The following LRRCC1 variants were observed in gnomAD, a reference collection of about 807,000 sequenced individuals.
LRRCC1 encodes leucine rich repeat and coiled-coil centrosomal protein 1, also known as leucine-rich repeat and coiled-coil domain-containing protein 1.
LRRCC1 carries 115 observed loss-of-function variants against 126.0 expected under a neutral mutation model. That is an observed-to-expected ratio of 0.91 (90% CI 0.78 to 1.07). LRRCC1 has a LOEUF of 1.07. Ranked by LOEUF, LRRCC1 falls within the 50% of genes least tolerant of loss-of-function variation. LRRCC1 has a pLI of 0.00. For synonymous variants in LRRCC1, 400 were observed against 393.4 expected (o/e 1.02, Z -0.20); for missense variants, 1,172 against 1,175.7 (o/e 1.00, Z 0.05).
intron 9 of LRRCC1, among the ~76,000 whole-genome samples, chr8:85,127,062 A>C (rs1038731920): frequency 1.4e-4 from 22 of 152,188 alleles, no homozygotes; most frequent in African/African-American, 5.3e-4. Flanking sequence ...GTGTCAGATA[A>C]ATATTATAAG....
chr8:85,123,148 T>A (rs575298806), intron 6 of LRRCC1, among the ~76,000 whole-genome samples: 4 of 152,324 alleles, frequency 2.6e-5, no homozygotes, highest in African/African-American at 9.6e-5. Flanking sequence ...AATCCTAGTT[T>A]TGTTCACTTT....
At chr8:85,119,735 C>T (rs1809391295) in intron 6 of LRRCC1, among the ~76,000 whole-genome samples, 1 of 152,170 alleles carries the variant, frequency 6.6e-6, no homozygotes, top group African/African-American at 2.4e-5. Context: ...TGGCCTCAAG[C>T]GATCCTCCTG....
chr8:85,107,489 G>A (rs1808330392), intron 1 of LRRCC1, 90 bp downstream of exon 1: 1 of 1,130,548 alleles, frequency 8.8e-7, no homozygotes, highest in Non-Finnish European at 1.3e-6. Flanking sequence ...GTGGAGGCGC[G>A]GCACTGCTTT....
chr8:85,108,302 G>A (rs1192022275), intron 1 of LRRCC1, among the ~76,000 whole-genome samples: 3 of 152,148 alleles, frequency 2.0e-5, no homozygotes, highest in African/African-American at 7.2e-5. Context: ...TTTAATACTA[G>A]CTGCCATTTA....
intron 1 of LRRCC1, 69 bp downstream of exon 1, chr8:85,107,468 G>A: frequency 7.3e-7 from 1 of 1,368,506 alleles, no homozygotes; most frequent in East Asian, 2.4e-5. Flanking sequence ...GTGGCTGGCG[G>A]CGACACCAGA....
intron 11 of LRRCC1, among the ~76,000 whole-genome samples, chr8:85,130,547 A>G (rs1418367856): frequency 6.6e-6 from 1 of 152,170 alleles, no homozygotes; most frequent in Non-Finnish European, 1.5e-5. Flanking sequence ...AATCAGCCCT[A>G]TAGCAAGAAC....
chr8:85,114,430 C>T (rs189737124), intron 4 of LRRCC1, among the ~76,000 whole-genome samples: 17 of 152,148 alleles, frequency 1.1e-4, no homozygotes, highest in Admixed American at 9.2e-4. Context: ...TTCTTACTTT[C>T]GGAATTCTTC....
At chr8:85,125,021 A>C in intron 8 of LRRCC1, 82 bp downstream of exon 8, 1 of 982,368 alleles carries the variant, frequency 1.0e-6, no homozygotes, top group Admixed American at 3.1e-5. Context: ...TGCTTTTATT[A>C]GCAAAAAGTG....
At chr8:85,114,822 T>A (rs1393592773) in intron 4 of LRRCC1, among the ~76,000 whole-genome samples, 2 of 152,126 alleles carry the variant, frequency 1.3e-5, no homozygotes, top group Non-Finnish European at 2.9e-5. Flanking sequence ...CATTATATAT[T>A]TAAAGTAATT....
intron 6 of LRRCC1, among the ~76,000 whole-genome samples, chr8:85,121,977 A>G (rs1238142279): frequency 6.6e-6 from 1 of 152,118 alleles, no homozygotes; most frequent in African/African-American, 2.4e-5. Context: ...CCTTTAGCAA[A>G]TGTTGTAGCG....
chr8:85,132,044 C>G, intron 12 of LRRCC1, 83 bp downstream of exon 12: 1 of 1,154,402 alleles, frequency 8.7e-7, no homozygotes, highest in South Asian at 1.6e-5. Flanking sequence ...AGAAACATAG[C>G]TGTATTAAAT....
intron 12 of LRRCC1, among the ~76,000 whole-genome samples, chr8:85,134,095 C>A (rs962091607): frequency 5.3e-5 from 8 of 152,156 alleles, no homozygotes; most frequent in African/African-American, 1.9e-4. Flanking sequence ...CATTCCCTAC[C>A]TCCTTCCAGT....
At chr8:85,145,250 C>A in intron 18 of LRRCC1, 139 bp from the exon 19 acceptor site, 1 of 606,682 alleles carries the variant, frequency 1.6e-6, no homozygotes. Flanking sequence ...GAGCAAGTTA[C>A]ATTTTACTGA....
rs1013103814 is a variant in LRRCC1 at position 85,146,049 on chromosome 8, T to G, written c.*538T>G. 9 of 152,188 alleles carry G rather than the reference T, an allele frequency of 5.9e-5. No individual in the cohort carries two copies. The highest frequency in any genetic ancestry group is 5.9e-4 in the Admixed American group (9 of 15,288). 9.4% of individuals were successfully genotyped at this position (152,188 alleles called of 1,614,324 possible). ...CCTTCTTTTATAATGCTTATATCTT[T>G]TCATTAAAGATTACATTTAAGGTTT... On this transcript the variant is annotated 3_prime_UTR_variant, in exon 19 of 19. Transcript: ENST00000360375.
chr8:85,140,879 G>T (rs144916383), intron 17 of LRRCC1, among the ~76,000 whole-genome samples: 1 of 152,000 alleles, frequency 6.6e-6, no homozygotes, highest in Non-Finnish European at 1.5e-5. Flanking sequence ...CCTATCCAAC[G>T]TAGTGAAACC....
At chr8:85,123,677 C>A in intron 7 of LRRCC1, 71 bp downstream of exon 7, 1 of 1,155,216 alleles carries the variant, frequency 8.7e-7, no homozygotes, top group Non-Finnish European at 1.2e-6. Flanking sequence ...TTGAAGCTAT[C>A]TCTTGGTGAT....
chr8:85,107,454 ACGAGTG>A, intron 1 of LRRCC1, 55 bp downstream of exon 1: 2 of 1,460,800 alleles, frequency 1.4e-6, no homozygotes. Context: ...AGCCGGGGCC[ACGAGTG>A]GCTGGCGGCG....
At chr8:85,131,628 C>T (rs371200978) in intron 11 of LRRCC1, 132 bp from the exon 12 acceptor site, 14 of 649,548 alleles carry the variant, frequency 2.2e-5, no homozygotes, top group South Asian at 1.7e-4. Flanking sequence ...CCAATTACTG[C>T]GTTTGAAAGT....
Position 85,110,156 on chromosome 8 carries a change from T to TAAAG in LRRCC1, c.353_354insAAGA (p.Tyr118Ter), listed in dbSNP as rs1808594442. 1 of 1,330,090 alleles carries TAAAG rather than the reference T, an allele frequency of 7.5e-7. No homozygotes were observed. The highest frequency in any genetic ancestry group is 1.0e-6 in the Non-Finnish European group (1 of 964,668). The allele number at this position is 1,330,090 out of a possible 1,614,324, so 82.4% of individuals were successfully genotyped here. A position where few individuals can be genotyped will look rare whatever the true frequency, so the allele number is the denominator to read the frequency against. On this transcript the variant is annotated stop_gained and frameshift_variant, in exon 3 of 19. Coordinates refer to ENST00000360375, the MANE Select transcript of LRRCC1 (RefSeq NM_033402.5). LOFTEE classifies it high-confidence loss of function. ...TAATCTGACTAGACTAAATGTATCT[T>TAAAG]ATAACCACATAGATGATCTTAGTGG...
Sources: allele counts gnomAD v4.1 joint callset (sites outside exome capture counted in the v4.1 genomes callset), GRCh38; gene constraint gnomAD v4.1.1; transcripts MANE v1.5; gene names NCBI Gene and HGNC (gene_info 2026-07-23, HGNC 2026-07-21).